Variants in EFCAB14 observed in about 807,000 individuals in gnomAD.
The protein encoded by EFCAB14 is EF-hand calcium-binding domain-containing protein 14.
Under a neutral mutation model 56.5 loss-of-function variants are expected in EFCAB14, and 43 were observed. The observed-to-expected ratio is 0.76, with a 90% CI of 0.60 to 0.98. The LOEUF (loss-of-function observed/expected upper bound fraction) is 0.98. Among genes scored for constraint, EFCAB14 ranks in the 50% least tolerant of loss-of-function variants. The probability of loss-of-function intolerance (pLI) is 0.00; values close to 1 mark genes in which losing one functional copy is unlikely to be tolerated. For synonymous variants in EFCAB14, 235 were observed against 212.9 expected, an observed-to-expected ratio of 1.10 and a Z score of -0.90; for missense variants, 538 against 580.3, an observed-to-expected ratio of 0.93 and a Z score of 0.75.
chr1:46,680,304 C>T (rs1252441040), intron 10 of EFCAB14, among the ~76,000 whole-genome samples: 1 of 152,084 alleles, frequency 6.6e-6, no homozygotes, highest in African/African-American at 2.4e-5. Flanking sequence ...AAAGTGAGAA[C>T]AATCGAAATG....
rs1240192171 is a variant in EFCAB14 at position 46,718,256 on chromosome 1, G to A, written c.-169C>T. The A allele has an allele frequency of 4.9e-6, 3 of 608,662 alleles. No individual in the cohort carries two copies. The highest frequency in any genetic ancestry group is 1.8e-5 in the African/African-American group (1 of 54,220). 37.7% of individuals were successfully genotyped at this position (608,662 alleles called of 1,614,324 possible). A position where few individuals can be genotyped will look rare whatever the true frequency, so the allele number is the denominator to read the frequency against. On this transcript the variant is annotated 5_prime_UTR_variant, in exon 1 of 11. Transcript: ENST00000371933. The stretch of plus-strand genomic sequence containing the variant: ...GACTGACCAGATCCGCCAGGGACTG[G>A]AGATTGGAGCCCAGAGGAAACTGGA...
In EFCAB14 at chr1:46,691,851, C is replaced by T. The variant is rs781026067; in HGVS notation, c.666G>A (p.Thr222=). The change falls in exon 5 of 11, where the codon ACG becomes ACA. Residue 222 remains threonine (T), a synonymous_variant. Coordinates refer to ENST00000371933, the MANE Select transcript of EFCAB14 (RefSeq NM_014774.3). ...LQKTVDEHKK[T]MELLQSDMNQ... Reference sequence around the variant, plus strand: ...CCATATCACTCTGCAGTAATTCCATCGTTTTCTTGTGTTCATCCACAGTTT... The same window carrying T: ...CCATATCACTCTGCAGTAATTCCATTGTTTTCTTGTGTTCATCCACAGTTT... 4.3e-6 allele frequency: 7 copies of T among 1,613,150 alleles called. No individual in the cohort carries two copies. The highest frequency in any genetic ancestry group is 2.2e-5 in the South Asian group (2 of 90,990).
At chr1:46,698,162 A>C (rs1398758285) in intron 3 of EFCAB14, among the ~76,000 whole-genome samples, 1 of 152,136 alleles carries the variant, frequency 6.6e-6, no homozygotes, top group Non-Finnish European at 1.5e-5. Flanking sequence ...TATGCAAAGA[A>C]TTTAATTTAA....
intron 3 of EFCAB14, among the ~76,000 whole-genome samples, chr1:46,700,699 T>C (rs1326853428): frequency 6.6e-6 from 1 of 152,238 alleles, no homozygotes; most frequent in African/African-American, 2.4e-5. Flanking sequence ...CTCATGTACA[T>C]GATATATTTT....
intron 4 of EFCAB14, among the ~76,000 whole-genome samples, chr1:46,694,454 T>G (rs1338546538): frequency 6.6e-6 from 1 of 152,180 alleles, no homozygotes. Context: ...AAGACATTTA[T>G]GCAGCCAACA....
At chr1:46,678,780 T>A in intron 10 of EFCAB14, 144 bp from the exon 11 acceptor site, 7 of 491,528 alleles carry the variant, frequency 1.4e-5, no homozygotes, top group East Asian at 8.8e-5. Flanking sequence ...AGGATTTCAC[T>A]AAATCAGGAA....
chr1:46,712,667 G>A (rs902756752), intron 2 of EFCAB14, among the ~76,000 whole-genome samples: 4 of 151,932 alleles, frequency 2.6e-5, no homozygotes, highest in Non-Finnish European at 5.9e-5. Flanking sequence ...CCAAGTTCGT[G>A]AATCCCACTG....
At chr1:46,701,377 ATTCCTAATACTCTTATCAATTATGTAGT>A (rs780105893) in intron 3 of EFCAB14, among the ~76,000 whole-genome samples, 3 of 129,920 alleles carry the variant, frequency 2.3e-5, no homozygotes, top group Non-Finnish European at 4.7e-5. Context: ...GACTATAGTT[ATTCCTAATACTCTTATCAATTATGTAGT>A]TACCTTTCAG....
intron 10 of EFCAB14, among the ~76,000 whole-genome samples, chr1:46,678,880 T>C (rs1279570162): frequency 6.7e-6 from 1 of 149,816 alleles, no homozygotes; most frequent in Admixed American, 6.6e-5. Context: ...CCCAACACTC[T>C]GGGAGGCTGA....
intron 5 of EFCAB14, among the ~76,000 whole-genome samples, chr1:46,690,811 A>C (rs1450109833): frequency 3.4e-5 from 5 of 148,702 alleles, no homozygotes; most frequent in African/African-American, 1.2e-4. Context: ...ATGGAAAAAA[A>C]CTCTCTTCTA....
chr1:46,708,943 T>C (rs1237268353), intron 2 of EFCAB14, among the ~76,000 whole-genome samples: 1 of 125,860 alleles, frequency 7.9e-6, no homozygotes, highest in East Asian at 4.3e-4. Context: ...AAAACCTACA[T>C]CCTTTTTTTT....
chr1:46,686,648 A>G (rs1178328270), intron 8 of EFCAB14, 136 bp downstream of exon 8: 2 of 858,300 alleles, frequency 2.3e-6, no homozygotes, highest in Non-Finnish European at 3.8e-6. Flanking sequence ...TAACATACTA[A>G]TTTACTAATT....
chr1:46,699,578 T>C (rs912039206), intron 3 of EFCAB14, among the ~76,000 whole-genome samples: 1 of 152,160 alleles, frequency 6.6e-6, no homozygotes, highest in Non-Finnish European at 1.5e-5. Flanking sequence ...CTAAGCAGAG[T>C]AGAAGACAGA....
At chr1:46,711,346 G>A (rs777260073) in intron 2 of EFCAB14, among the ~76,000 whole-genome samples, 1 of 152,242 alleles carries the variant, frequency 6.6e-6, no homozygotes, top group Non-Finnish European at 1.5e-5. Flanking sequence ...GGGGCAAGGG[G>A]CGAAGTCTCT....
At chr1:46,714,719 T>C (rs1677361235) in intron 2 of EFCAB14, among the ~76,000 whole-genome samples, 1 of 151,756 alleles carries the variant, frequency 6.6e-6, no homozygotes. Flanking sequence ...GGAAGACTGC[T>C]TGAGCCCATG....
At chr1:46,713,308 A>C (rs1569738023) in intron 2 of EFCAB14, among the ~76,000 whole-genome samples, 1 of 152,114 alleles carries the variant, frequency 6.6e-6, no homozygotes, top group African/African-American at 2.4e-5. Flanking sequence ...ACAATTCCAA[A>C]TCTGCTTCAT....
Position 46,678,497 on chromosome 1 carries a change from G to C in EFCAB14, c.1452C>G (p.Tyr484Ter). Residue 484 changes from tyrosine to a stop codon, truncating the protein, a stop_gained, in exon 11 of 11, where the codon TAC (tyrosine) becomes TAG (stop). Transcript: ENST00000371933. LOFTEE classifies it high-confidence loss of function. ...RAFDSDGDGR[Y>*]SFLELRVALG... ...AAGCTACCCTTAGCTCCAGGAATGAGTATCTTCCATCTCCATCGGAATCAA... is the reference window on the plus strand; with the variant it reads ...AAGCTACCCTTAGCTCCAGGAATGACTATCTTCCATCTCCATCGGAATCAA... 6.2e-7 allele frequency: 1 copy of C among 1,614,134 alleles called. No individual in the cohort carries two copies. The highest frequency in any genetic ancestry group is 8.5e-7 in the Non-Finnish European group (1 of 1,180,028).
chr1:46,717,824 T>G (rs1368480230), intron 1 of EFCAB14, 79 bp downstream of exon 1: 2 of 1,490,910 alleles, frequency 1.3e-6, no homozygotes, highest in East Asian at 2.3e-5. Flanking sequence ...AAGGACTTCC[T>G]TTCTCCTTCC....
At chr1:46,703,818 G>A (rs951421039) in intron 3 of EFCAB14, among the ~76,000 whole-genome samples, 4 of 152,206 alleles carry the variant, frequency 2.6e-5, no homozygotes, top group Admixed American at 2.6e-4. Flanking sequence ...CAAATTCCTT[G>A]CTGCTCTGCA....
Sources: allele counts gnomAD v4.1 joint callset (sites outside exome capture counted in the v4.1 genomes callset), GRCh38; gene constraint gnomAD v4.1.1; transcripts MANE v1.5; gene names NCBI Gene and HGNC (gene_info 2026-07-23, HGNC 2026-07-21).